MTFMT: variants seen among roughly 807,000 people sequenced by gnomAD.
MTFMT encodes mitochondrial methionyl-tRNA formyltransferase.
In MTFMT, 47 loss-of-function variants were observed where a neutral mutation model predicts 51.8. The ratio of observed to expected loss-of-function variants is 0.91; its 90% CI spans 0.72 to 1.16. The LOEUF (loss-of-function observed/expected upper bound fraction) is 1.16, where lower values mean the gene tolerates loss of function less well. MTFMT is among the 50% of genes most tolerant of loss of function. The pLI, the probability that MTFMT is intolerant of heterozygous loss-of-function variation, is 0.00. For missense variants in MTFMT, 512 were observed against 482.3 expected (o/e 1.06, Z -0.58); for synonymous variants, 196 against 176.7 (o/e 1.11, Z -0.87).
intron 6 of MTFMT, among the ~76,000 whole-genome samples, chr15:65,009,816 G>C (rs1261583580): frequency 6.6e-6 from 1 of 152,004 alleles, no homozygotes; most frequent in Non-Finnish European, 1.5e-5. Context: ...ACAATACCTA[G>C]CTAATTTTTG....
intron 6 of MTFMT, among the ~76,000 whole-genome samples, chr15:65,013,908 G>T (rs539771797): frequency 6.6e-6 from 1 of 150,704 alleles, no homozygotes; most frequent in African/African-American, 2.4e-5. Context: ...GCACAGTTGC[G>T]CTCCAGCCTA....
At chr15:65,027,519 A>G (rs1489500528) in intron 1 of MTFMT, among the ~76,000 whole-genome samples, 1 of 152,058 alleles carries the variant, frequency 6.6e-6, no homozygotes, top group Non-Finnish European at 1.5e-5. Flanking sequence ...TTTTTATTTA[A>G]TTTTAATTAT....
chr15:65,025,826 C>T (rs942855508), intron 2 of MTFMT, among the ~76,000 whole-genome samples: 9 of 151,976 alleles, frequency 5.9e-5, no homozygotes, highest in Non-Finnish European at 4.4e-5. Context: ...CCAATTTGGG[C>T]GTTGTCAGCA....
chr15:65,029,422 C>T lies in MTFMT; in HGVS notation c.192G>A (p.Arg64=). ...GTDQFAREAL[R]ALHAARENKE... is the part of the protein sequence containing the mutation. ...CCGGGTACCTGGCGGCGTGCAGCGC[C>T]CGCAGCGCCTCGCGGGCGAACTGGT... The change falls in exon 1 of 9, where the codon CGG becomes CGA. Residue 64 remains arginine, a synonymous_variant. Transcript: ENST00000220058. 4.0e-6 allele frequency: 6 copies of T among 1,502,402 alleles called. No homozygotes were observed. The highest frequency in any genetic ancestry group is 4.4e-6 in the Non-Finnish European group (5 of 1,127,686). 93.1% of individuals were successfully genotyped at this position (1,502,402 alleles called of 1,614,324 possible). A position where few individuals can be genotyped will look rare whatever the true frequency, so the allele number is the denominator to read the frequency against.
At chr15:65,024,794 T>A (rs1412395971) in intron 2 of MTFMT, among the ~76,000 whole-genome samples, 1 of 152,096 alleles carries the variant, frequency 6.6e-6, no homozygotes. Context: ...TGCTGAGGGC[T>A]ATGGAGAAAA....
At chr15:65,026,691 G>T in intron 2 of MTFMT, 140 bp downstream of exon 2, 1 of 736,160 alleles carries the variant, frequency 1.4e-6, no homozygotes, top group Non-Finnish European at 2.2e-6. Context: ...AAGCAAACAT[G>T]TACAGAAAAA....
At position 65,016,436 on chromosome 15, in the gene MTFMT, T is replaced by G; in HGVS notation, c.813A>C (p.Ile271=). 6.3e-7 allele frequency: 1 copy of G among 1,594,676 alleles called. No individual in the cohort carries two copies. The highest frequency in any genetic ancestry group is 8.6e-7 in the Non-Finnish European group (1 of 1,166,758). Residue 271 remains isoleucine, a splice_region_variant and synonymous_variant, in exon 6 of 9, where the codon ATA becomes ATC. Coordinates refer to ENST00000220058, the MANE Select transcript of MTFMT (RefSeq NM_139242.4). ...ACTGCAACCTGACTTCCCAACTTAC[T>G]ATATTTCCAATGGCACGGTAAAGTC... ...IFRLYRAIGN[I]IPLQTLWMAN...
chr15:65,020,370 T>G (rs868024323), intron 4 of MTFMT, 98 bp from the exon 5 acceptor site: 3 of 989,536 alleles, frequency 3.0e-6, no homozygotes, highest in African/African-American at 3.3e-5. Flanking sequence ...AACCTATAAC[T>G]TTTTTTCTTT....
At chr15:65,019,798 A>G (rs1237639236) in intron 5 of MTFMT, among the ~76,000 whole-genome samples, 3 of 152,218 alleles carry the variant, frequency 2.0e-5, no homozygotes. Flanking sequence ...CATTTTTCTT[A>G]GGAAAGGCAT....
At position 65,026,840 on chromosome 15, in the gene MTFMT, T is replaced by TTAAGAA. The variant is rs2086428564; in HGVS notation, c.404_409dup (p.Ile135_Leu136dup). ...TACAAATAAAACTTACTAGGGAAAT[T>TTAAGAA]TAAGAATAAGAGCCTCATTCAAAAG... On this transcript the variant is annotated inframe_insertion, in exon 2 of 9. Transcript: ENST00000220058. The TTAAGAA allele has an allele frequency of 1.9e-6, 3 of 1,613,086 alleles. No individual in the cohort carries two copies. In the African/African-American group the frequency reaches 4.0e-5, roughly 22 times the overall value.
At chr15:65,013,789 C>CA (rs1390454658) in intron 6 of MTFMT, among the ~76,000 whole-genome samples, 5 of 151,732 alleles carry the variant, frequency 3.3e-5, no homozygotes, top group South Asian at 2.1e-4. Flanking sequence ...ACTAAAAATA[C>CA]AAAAAAATGA....
intron 3 of MTFMT, 94 bp from the exon 4 acceptor site, chr15:65,021,710 G>T: frequency 1.0e-6 from 1 of 972,012 alleles, no homozygotes. Context: ...GGGTACAGTG[G>T]TCTGCATGCC....
intron 8 of MTFMT, among the ~76,000 whole-genome samples, chr15:65,004,198 G>C (rs2086203368): frequency 6.6e-6 from 1 of 151,910 alleles, no homozygotes; most frequent in Non-Finnish European, 1.5e-5. Context: ...TGTACTGTTA[G>C]TAAAGACGGG....
chr15:65,010,877 A>G (rs1386640528), intron 6 of MTFMT, among the ~76,000 whole-genome samples: 1 of 152,114 alleles, frequency 6.6e-6, no homozygotes, highest in East Asian at 1.9e-4. Context: ...TGCCAACACT[A>G]GTTTTTGTCT....
intron 6 of MTFMT, among the ~76,000 whole-genome samples, chr15:65,014,450 A>G (rs763310250): frequency 1.8e-4 from 27 of 150,896 alleles, no homozygotes; most frequent in Non-Finnish European, 3.1e-4. Flanking sequence ...CAGCCTCCCA[A>G]GTAGCTAGGA....
chr15:65,023,623 T>A (rs4776661), intron 3 of MTFMT, 49 bp downstream of exon 3: 1 of 1,594,560 alleles, frequency 6.3e-7, no homozygotes, highest in Non-Finnish European at 8.6e-7. Flanking sequence ...CAGGCTGACA[T>A]CAACATTTAA....
chr15:65,024,132 G>C lies in MTFMT; in HGVS notation c.420-338C>G, dbSNP rs145900822. ...ACTTGAGATCGGGAGTTTGAGACCA[G>C]CCGGACCAACATGGAGAAACCCCAT... On this transcript the variant is annotated intron_variant, in intron 2 of 8. Coordinates refer to ENST00000220058, the MANE Select transcript of MTFMT (RefSeq NM_139242.4). Among the ~76,000 whole-genome samples, 567 of 152,082 alleles carry C rather than the reference G, an allele frequency of 3.7e-3. 4 individuals are homozygous for C. Among genetic ancestry groups the C allele is most frequent in the African/African-American group, 0.014 (560 of 41,468 alleles).
chr15:65,006,073 G>A (rs369374908), intron 7 of MTFMT, 40 bp downstream of exon 7: 270 of 1,447,064 alleles, frequency 1.9e-4, no homozygotes, highest in Middle Eastern at 1.7e-4. Flanking sequence ...ATACACTACA[G>A]TGAAAACAGC....
At position 65,017,466 on chromosome 15, in the gene MTFMT, A is replaced by G. The variant is rs190331133; in HGVS notation, c.722-939T>C. Among the ~76,000 whole-genome samples, 356 of 152,330 alleles carry G rather than the reference A, an allele frequency of 2.3e-3. 3 individuals are homozygous for G. The highest frequency in any genetic ancestry group is 8.3e-3 in the African/African-American group (343 of 41,566). ...TTGGAAACAACCCAAATGCCCATCAATAAGACATCTGTTGGGTTAATTATG... is the reference window on the plus strand; with the variant it reads ...TTGGAAACAACCCAAATGCCCATCAGTAAGACATCTGTTGGGTTAATTATG... On this transcript the variant is annotated intron_variant, in intron 5 of 8. Coordinates refer to ENST00000220058, the MANE Select transcript of MTFMT (RefSeq NM_139242.4).
Sources: allele counts gnomAD v4.1 joint callset (sites outside exome capture counted in the v4.1 genomes callset), GRCh38; gene constraint gnomAD v4.1.1; transcripts MANE v1.5; gene names NCBI Gene and HGNC (gene_info 2026-07-23, HGNC 2026-07-21).